The following MAGI2 variants were observed in gnomAD, a reference collection of about 807,000 sequenced individuals.
MAGI2 encodes the protein membrane-associated guanylate kinase, WW and PDZ domain-containing protein 2.
MAGI2 carries 35 observed loss-of-function variants against 133.3 expected under a neutral mutation model. The observed-to-expected ratio is 0.26, with a 90% CI of 0.20 to 0.35. The LOEUF (loss-of-function observed/expected upper bound fraction) is 0.35. Ranked by LOEUF, MAGI2 falls within the 10% of genes least tolerant of loss-of-function variation. The probability of loss-of-function intolerance (pLI) is 1.00; values close to 1 mark genes in which losing one functional copy is unlikely to be tolerated. For synonymous variants in MAGI2, 729 were observed against 710.6 expected, an observed-to-expected ratio of 1.03 and a Z score of -0.41; for missense variants, 1,636 against 1,863.4, an observed-to-expected ratio of 0.88 and a Z score of 2.25.
At position 79,240,467 on chromosome 7, in the gene MAGI2, T is replaced by G. The variant is rs1259648898; in HGVS notation, c.301+212553A>C. Among the ~76,000 whole-genome samples, 3 of 151,768 alleles carry G rather than the reference T, an allele frequency of 2.0e-5. No individual in the cohort carries two copies. In the East Asian group the frequency reaches 5.8e-4, roughly 29 times the overall value. ...TAAGGAAAGGGGGAATAGGGGACAA[T>G]GGCATGTATTCTCAATGTGGAGAGC... On this transcript the variant is annotated intron_variant, in intron 1 of 21. Transcript: ENST00000354212.
chr7:78,100,314 C>T (rs1270837802), intron 20 of MAGI2, among the ~76,000 whole-genome samples: 1 of 152,148 alleles, frequency 6.6e-6, no homozygotes, highest in Non-Finnish European at 1.5e-5. Context: ...CCCTGCATTC[C>T]AGGCTGAGTT....
chr7:79,205,846 A>T (rs138813514), intron 1 of MAGI2, among the ~76,000 whole-genome samples: 1 of 151,730 alleles, frequency 6.6e-6, no homozygotes, highest in African/African-American at 2.4e-5. Context: ...TGTAAGCTTC[A>T]TAATAACCAC....
chr7:79,335,734 T>A (rs559370156), intron 1 of MAGI2, among the ~76,000 whole-genome samples: 1 of 151,970 alleles, frequency 6.6e-6, no homozygotes, highest in Non-Finnish European at 1.5e-5. Context: ...ATGAAAAAAT[T>A]TGAGCTAAAA....
intron 2 of MAGI2, among the ~76,000 whole-genome samples, chr7:78,962,968 A>G (rs191454256): frequency 3.3e-5 from 5 of 152,238 alleles, no homozygotes; most frequent in Admixed American, 2.0e-4. Flanking sequence ...AGTTCCCTAG[A>G]AAACTTTAAC....
chr7:78,879,500 T>C (rs1409571764), intron 2 of MAGI2, among the ~76,000 whole-genome samples: 1 of 151,560 alleles, frequency 6.6e-6, no homozygotes, highest in Non-Finnish European at 1.5e-5. Context: ...TACCCAACAT[T>C]CTCTACAGGC....
intron 2 of MAGI2, among the ~76,000 whole-genome samples, chr7:78,798,559 G>T (rs1787803803): frequency 6.6e-6 from 1 of 152,056 alleles, no homozygotes; most frequent in African/African-American, 2.4e-5. Context: ...TATTTATTTT[G>T]TTTCTTTTCC....
intron 6 of MAGI2, chr7:78,485,346 A>C (rs571693010): frequency 6.6e-6 from 1 of 152,030 alleles, no homozygotes; most frequent in Non-Finnish European, 1.5e-5. Context: ...AAGTGTACAG[A>C]GCTATGACAA....
At chr7:78,413,024 C>T (rs1488028322) in intron 6 of MAGI2, among the ~76,000 whole-genome samples, 1 of 152,044 alleles carries the variant, frequency 6.6e-6, no homozygotes, top group Non-Finnish European at 1.5e-5. Flanking sequence ...TTTTATTCTG[C>T]AGGCAGAGGG....
intron 1 of MAGI2, among the ~76,000 whole-genome samples, chr7:79,383,810 A>T (rs187428224): frequency 6.6e-6 from 1 of 151,522 alleles, no homozygotes; most frequent in Non-Finnish European, 1.5e-5. Context: ...GAACACAAGG[A>T]TACTTCGCTA....
Position 78,785,106 on chromosome 7 carries a change from A to G in MAGI2, c.419-157867T>C, listed in dbSNP as rs141604646. On this transcript the variant is annotated intron_variant, in intron 2 of 21. Transcript: ENST00000354212. ...CACTAAACAAAATGAACAAAATTCA[A>G]ACGAAACAATAAAGTTATCACCCTA... is the stretch of plus-strand genomic sequence containing the variant. Among the ~76,000 whole-genome samples the G allele has an allele frequency of 7.3e-3, 1,111 of 152,312 alleles. 14 individuals are homozygous for G. Among genetic ancestry groups the G allele is most frequent in the African/African-American group, 0.025 (1,040 of 41,570 alleles).
rs567201256 is a variant in MAGI2 at position 79,330,360 on chromosome 7, AT to A, written c.301+122659del. On this transcript the variant is annotated intron_variant, in intron 1 of 21. Coordinates refer to ENST00000354212, the MANE Select transcript of MAGI2 (RefSeq NM_012301.4). ...AGGCACCTGCCACCACGCCCGGCTA[AT>A]TTTTTTTGTATTTTTAGTAGAGACG... Among the ~76,000 whole-genome samples the A allele has an allele frequency of 2.0e-4, 30 of 150,848 alleles. No individual in the cohort carries two copies. The East Asian group carries it at 3.1e-3, about 16-fold the overall frequency.
At chr7:79,025,195 T>C (rs1471546200) in intron 1 of MAGI2, among the ~76,000 whole-genome samples, 1 of 152,164 alleles carries the variant, frequency 6.6e-6, no homozygotes, top group Non-Finnish European at 1.5e-5. Flanking sequence ...GATCATATCT[T>C]TTGCAGTACC....
At chr7:78,561,081 A>C (rs1584638894) in intron 3 of MAGI2, among the ~76,000 whole-genome samples, 1 of 152,188 alleles carries the variant, frequency 6.6e-6, no homozygotes, top group East Asian at 1.9e-4. Flanking sequence ...CTTAGAAAGC[A>C]GTGATACGCA....
intron 9 of MAGI2, among the ~76,000 whole-genome samples, chr7:78,274,881 G>C (rs529884001): frequency 3.1e-4 from 47 of 152,298 alleles, no homozygotes; most frequent in Non-Finnish European, 6.3e-4. Flanking sequence ...TGGGCTCTGT[G>C]GGGGTGGGAC....
chr7:78,391,244 G>A (rs969146122), intron 6 of MAGI2, among the ~76,000 whole-genome samples: 1 of 151,988 alleles, frequency 6.6e-6, no homozygotes, highest in African/African-American at 2.4e-5. Flanking sequence ...TATATGCTTT[G>A]GTTATACAGA....
chr7:79,276,111 T>C lies in MAGI2; in HGVS notation c.301+176909A>G, dbSNP rs376718204. 3.4e-4 allele frequency among the ~76,000 whole-genome samples: 52 copies of C among 152,292 alleles called. 1 individual carries two copies. The highest frequency in any genetic ancestry group is 9.7e-4 in the East Asian group (5 of 5,174). On this transcript the variant is annotated intron_variant, in intron 1 of 21. Coordinates refer to ENST00000354212, the MANE Select transcript of MAGI2 (RefSeq NM_012301.4). ...TTGAGGAATACATTATGTAAGGCTG[T>C]TGCTGTCATAGATTGTGACTCTTCT...
At chr7:78,894,020 A>C (rs1455317784) in intron 2 of MAGI2, among the ~76,000 whole-genome samples, 1 of 152,240 alleles carries the variant, frequency 6.6e-6, no homozygotes, top group African/African-American at 2.4e-5. Flanking sequence ...CTGGGACATG[A>C]AATTATCACC....
chr7:78,147,008 A>G (rs186030242), intron 16 of MAGI2, among the ~76,000 whole-genome samples: 166 of 152,298 alleles, frequency 1.1e-3, no homozygotes, highest in African/African-American at 3.7e-3. Context: ...TATAAATGGA[A>G]ACAGATACTA....
intron 3 of MAGI2, among the ~76,000 whole-genome samples, chr7:78,606,926 A>T (rs910288121): frequency 1.3e-5 from 2 of 152,150 alleles, no homozygotes; most frequent in African/African-American, 2.4e-5. Flanking sequence ...TCTAATTTTA[A>T]ATGTATATTC....
Sources: gnomAD v4.1 joint callset for allele counts (sites outside exome capture counted in the v4.1 genomes callset) on GRCh38, gnomAD v4.1.1 for gene constraint, MANE v1.5 for transcripts, NCBI Gene and HGNC (gene_info 2026-07-23, HGNC 2026-07-21) for gene names.